FGF10: variants seen among roughly 807,000 people sequenced by gnomAD.
FGF10 encodes FGF-10.
In FGF10, 2 loss-of-function variants were observed where a neutral mutation model predicts 19.8. The observed-to-expected ratio is 0.10, with a 90% confidence interval of 0.04 to 0.32. FGF10 has a LOEUF of 0.32. Ranked by LOEUF, FGF10 falls within the 10% of genes least tolerant of loss-of-function variation. The pLI is 1.00. For missense variants in FGF10, 191 were observed against 246.3 expected (o/e 0.78, Z 1.50); for synonymous variants, 112 against 94.0 (o/e 1.19, Z -1.10).
intron 1 of FGF10, among the ~76,000 whole-genome samples, chr5:44,312,036 G>A (rs1346167440): frequency 6.6e-6 from 1 of 152,142 alleles, no homozygotes; most frequent in Non-Finnish European, 1.5e-5. Context: ...CCATGTATCT[G>A]TAGGAAGTCT....
At chr5:44,383,754 A>G (rs1427610783) in intron 1 of FGF10, among the ~76,000 whole-genome samples, 1 of 152,102 alleles carries the variant, frequency 6.6e-6, no homozygotes, top group Non-Finnish European at 1.5e-5. Flanking sequence ...TAAATCCTCA[A>G]TGCTCGTGAT....
intron 2 of FGF10, among the ~76,000 whole-genome samples, chr5:44,306,247 A>G (rs911019712): frequency 1.3e-5 from 2 of 152,146 alleles, no homozygotes; most frequent in African/African-American, 4.8e-5. Context: ...AATAGAAAAA[A>G]TTAGCCAGGC....
At chr5:44,373,854 C>T (rs1275869558) in intron 1 of FGF10, among the ~76,000 whole-genome samples, 1 of 152,070 alleles carries the variant, frequency 6.6e-6, no homozygotes, top group Non-Finnish European at 1.5e-5. Context: ...CTTCAAAATC[C>T]ATCCAGCTTA....
At chr5:44,334,338 A>C (rs1740798881) in intron 1 of FGF10, among the ~76,000 whole-genome samples, 1 of 152,056 alleles carries the variant, frequency 6.6e-6, no homozygotes. Flanking sequence ...GAATATTCTA[A>C]GTTTGTTTCT....
chr5:44,369,172 C>G (rs536528262), intron 1 of FGF10, among the ~76,000 whole-genome samples: 2 of 152,038 alleles, frequency 1.3e-5, no homozygotes, highest in Non-Finnish European at 2.9e-5. Flanking sequence ...TGACTGTAGT[C>G]CCAGTTCACT....
chr5:44,349,469 TCAGA>T (rs199502099), intron 1 of FGF10, among the ~76,000 whole-genome samples: 515 of 26,782 alleles, frequency 0.019, 18 homozygotes, highest in Middle Eastern at 0.031. Context: ...TATATATATA[TCAGA>T]ATATATATAT....
intron 1 of FGF10, among the ~76,000 whole-genome samples, chr5:44,343,115 T>C (rs936928242): frequency 3.9e-5 from 6 of 152,076 alleles, no homozygotes; most frequent in Admixed American, 2.0e-4. Flanking sequence ...GCATTTTGTT[T>C]ACAAAAATAA....
intron 1 of FGF10, among the ~76,000 whole-genome samples, chr5:44,325,127 T>A (rs1436260705): frequency 6.6e-6 from 1 of 152,032 alleles, no homozygotes; most frequent in Non-Finnish European, 1.5e-5. Context: ...AAAAGACACA[T>A]GAAAAAATGC....
intron 1 of FGF10, among the ~76,000 whole-genome samples, chr5:44,386,183 A>C (rs891287812): frequency 6.6e-6 from 1 of 152,082 alleles, no homozygotes; most frequent in African/African-American, 2.4e-5. Context: ...GATGAAATTC[A>C]GTGTGTACTG....
rs1272770393 is a variant in FGF10 at position 44,301,930 on chromosome 5, G to A, written c.*3065C>T. 2.0e-5 allele frequency among the ~76,000 whole-genome samples: 3 copies of A among 152,120 alleles called. No homozygotes were observed. The highest frequency in any genetic ancestry group is 7.2e-5 in the African/African-American group (3 of 41,444). Reference sequence around the variant, plus strand: ...CTATACACTGTTCAGCCTTTTGCGAGTTAGGAGGAGGGAGTGATTCTATAT... The same window carrying A: ...CTATACACTGTTCAGCCTTTTGCGAATTAGGAGGAGGGAGTGATTCTATAT... On this transcript the variant is annotated 3_prime_UTR_variant, in exon 3 of 3. Coordinates refer to ENST00000264664, the MANE Select transcript of FGF10 (RefSeq NM_004465.2).
chr5:44,301,049 T>C lies in FGF10; in HGVS notation c.*3946A>G, dbSNP rs1739955739. 6.6e-6 allele frequency among the ~76,000 whole-genome samples: 1 copy of C among 152,118 alleles called. No homozygotes were observed. The highest frequency in any genetic ancestry group is 6.6e-5 in the Admixed American group (1 of 15,232). On this transcript the variant is annotated 3_prime_UTR_variant, in exon 3 of 3. Coordinates refer to ENST00000264664, the MANE Select transcript of FGF10 (RefSeq NM_004465.2). ...TGAGAAGAAGCAGATCTTCGTTACT[T>C]CATTTCTAAGTACTCATAGAACTCA...
At chr5:44,306,766 C>T (rs1740085975) in intron 2 of FGF10, among the ~76,000 whole-genome samples, 1 of 152,120 alleles carries the variant, frequency 6.6e-6, no homozygotes, top group Non-Finnish European at 1.5e-5. Flanking sequence ...AAATGCTTCT[C>T]TTCTATAAAG....
chr5:44,369,804 T>C (rs949415084), intron 1 of FGF10, among the ~76,000 whole-genome samples: 1 of 152,126 alleles, frequency 6.6e-6, no homozygotes, highest in African/African-American at 2.4e-5. Flanking sequence ...ATACTGGAAC[T>C]TTCTCCCTTT....
In FGF10 at chr5:44,307,627, A is replaced by G. The variant is rs1740114138; in HGVS notation, c.430-2435T>C. 2.0e-5 allele frequency among the ~76,000 whole-genome samples: 3 copies of G among 152,190 alleles called. No individual in the cohort carries two copies. The South Asian group carries it at 6.2e-4, about 32-fold the overall frequency. Reference sequence around the variant, plus strand: ...ATCAGTCAGTCTGAATCTTTGCCCAAGTCAGATTTTTAGGAGGGCTTACGG... The same window carrying G: ...ATCAGTCAGTCTGAATCTTTGCCCAGGTCAGATTTTTAGGAGGGCTTACGG... On this transcript the variant is annotated intron_variant, in intron 2 of 2. Transcript: ENST00000264664.
chr5:44,317,036 C>G (rs1055308144), intron 1 of FGF10, among the ~76,000 whole-genome samples: 1 of 152,152 alleles, frequency 6.6e-6, no homozygotes, highest in African/African-American at 2.4e-5. Flanking sequence ...ATCCTTCACC[C>G]TACACCCAGT....
chr5:44,345,602 A>G (rs984068573), intron 1 of FGF10, among the ~76,000 whole-genome samples: 1 of 143,704 alleles, frequency 7.0e-6, no homozygotes, highest in African/African-American at 2.6e-5. Context: ...GTTTTTCCCC[A>G]TTGTTTCACT....
intron 1 of FGF10, among the ~76,000 whole-genome samples, chr5:44,388,118 G>A (rs1742147766): frequency 6.6e-6 from 1 of 151,930 alleles, no homozygotes; most frequent in Non-Finnish European, 1.5e-5. Context: ...GGAGGGAAGG[G>A]GTGGGTAGAG....
intron 1 of FGF10, among the ~76,000 whole-genome samples, chr5:44,375,726 A>G (rs1741838486): frequency 6.6e-6 from 1 of 151,060 alleles, no homozygotes; most frequent in African/African-American, 2.5e-5. Flanking sequence ...GTGATAGTAC[A>G]CTGAGACTGA....
At chr5:44,355,405 T>A (rs940601349) in intron 1 of FGF10, among the ~76,000 whole-genome samples, 4 of 151,274 alleles carry the variant, frequency 2.6e-5, no homozygotes, top group African/African-American at 9.7e-5. Flanking sequence ...AGTATAAGGA[T>A]CTGATATGAA....
Sources: gnomAD v4.1 joint callset for allele counts (sites outside exome capture counted in the v4.1 genomes callset) on GRCh38, gnomAD v4.1.1 for gene constraint, MANE v1.5 for transcripts, NCBI Gene and HGNC (gene_info 2026-07-23, HGNC 2026-07-21) for gene names.